The following ZNF428 variants were observed in gnomAD, a reference collection of about 807,000 sequenced individuals.
ZNF428 encodes enzyme-like protein PIT13.
Under a neutral mutation model 15.6 loss-of-function variants are expected in ZNF428, and 5 were observed. The observed-to-expected ratio is 0.32, with a 90% CI of 0.17 to 0.67. The LOEUF is 0.67. Among genes scored for constraint, ZNF428 ranks in the 30% least tolerant of loss-of-function variants. The probability of loss-of-function intolerance (pLI) is 0.73; values close to 1 mark genes in which losing one functional copy is unlikely to be tolerated. For missense variants in ZNF428, 237 were observed against 256.0 expected (o/e 0.93, Z 0.51); for synonymous variants, 97 against 102.2 (o/e 0.95, Z 0.31).
chr19:43,609,569 G>A (rs1167212794), intron 2 of ZNF428, among the ~76,000 whole-genome samples: 5 of 151,832 alleles, frequency 3.3e-5, no homozygotes, highest in African/African-American at 4.8e-5. Context: ...GTGAAACCCC[G>A]TCTCTACTAA....
chr19:43,609,885 C>T (rs1033771439), intron 2 of ZNF428, among the ~76,000 whole-genome samples: 2 of 152,074 alleles, frequency 1.3e-5, no homozygotes. Flanking sequence ...CCAGCTTCTT[C>T]GGCCTTGGTG....
chr19:43,612,662 A>G lies in ZNF428; in HGVS notation c.76+1567T>C, dbSNP rs1164655127. 1 of 1,551,342 alleles carries G rather than the reference A, an allele frequency of 6.4e-7. No individual in the cohort carries two copies. Among genetic ancestry groups the G allele is most frequent in the Non-Finnish European group, 8.7e-7 (1 of 1,146,978 alleles). On this transcript the variant is annotated intron_variant, in intron 2 of 2. Coordinates refer to ENST00000300811, the MANE Select transcript of ZNF428 (RefSeq NM_182498.4). The surrounding 1 kb of genome is among the most constrained non-coding windows in gnomAD (Gnocchi z 4.2). Reference sequence around the variant, plus strand: ...TTACGGCCGGCCTAGAACCAGCAACAGGGAAAGGAGTGACAGCCAGCCTAG... The same window carrying G: ...TTACGGCCGGCCTAGAACCAGCAACGGGGAAAGGAGTGACAGCCAGCCTAG...
chr19:43,613,905 G>A lies in ZNF428; in HGVS notation c.76+324C>T, dbSNP rs759791111. ...TCCAGCGAGGAGAGAGATCACAGCC[G>A]ATCTAGAAGCCCCAATAAGCAGAGT... On this transcript the variant is annotated intron_variant, in intron 2 of 2. Coordinates refer to ENST00000300811, the MANE Select transcript of ZNF428 (RefSeq NM_182498.4). 71 of 1,551,538 alleles carry A rather than the reference G, an allele frequency of 4.6e-5. No individual in the cohort carries two copies. Among genetic ancestry groups the A allele is most frequent in the African/African-American group, 4.1e-4 (30 of 73,086 alleles).
At chr19:43,609,121 A>C (rs1241787326) in intron 2 of ZNF428, among the ~76,000 whole-genome samples, 1 of 151,928 alleles carries the variant, frequency 6.6e-6, no homozygotes, top group East Asian at 1.9e-4. Flanking sequence ...AACTCACTAA[A>C]TCCTCAACAA....
chr19:43,617,034 G>GATCCATTTAC (rs1973378250), intron 1 of ZNF428, among the ~76,000 whole-genome samples: 1 of 151,894 alleles, frequency 6.6e-6, no homozygotes, highest in South Asian at 2.1e-4. Flanking sequence ...GACCTCAGGT[G>GATCCATTTAC]ATCCATTTAC....
chr19:43,614,386 T>A lies in ZNF428; in HGVS notation c.-82A>T. ...CCGGCCAGCTCTCCACAGCCACACC[T>A]CCGGCCACAAGTTCTCTAATACAGG... On this transcript the variant is annotated 5_prime_UTR_variant, in exon 2 of 3. Transcript: ENST00000300811. 1 of 1,509,862 alleles carries A rather than the reference T, an allele frequency of 6.6e-7. No individual in the cohort carries two copies. Among genetic ancestry groups the A allele is most frequent in the East Asian group, 2.3e-5 (1 of 43,514 alleles). The allele number at this position is 1,509,862 out of a possible 1,614,324, so 93.5% of individuals were successfully genotyped here.
intron 1 of ZNF428, among the ~76,000 whole-genome samples, chr19:43,619,071 G>T (rs1438787662): frequency 6.6e-6 from 1 of 152,122 alleles, no homozygotes; most frequent in Non-Finnish European, 1.5e-5. Flanking sequence ...AAGATGCCCC[G>T]CGTGAACACA....
At chr19:43,610,833 A>G (rs1184233092) in intron 2 of ZNF428, among the ~76,000 whole-genome samples, 1 of 151,848 alleles carries the variant, frequency 6.6e-6, no homozygotes, top group East Asian at 1.9e-4. Context: ...GCAGCCAGTC[A>G]CTTTTTTTAC....
At chr19:43,613,763 T>A in intron 2 of ZNF428, 1 of 1,551,152 alleles carries the variant, frequency 6.4e-7, no homozygotes, top group Non-Finnish European at 8.7e-7. Flanking sequence ...TCGCAGCCAA[T>A]CTAGAAGCCC....
Position 43,613,386 on chromosome 19 carries a change from C to T in ZNF428, c.76+843G>A, listed in dbSNP as rs896195288. The T allele has an allele frequency of 1.0e-4, 154 of 1,543,412 alleles. No homozygotes were observed. Among genetic ancestry groups the T allele is most frequent in the Admixed American group, 1.4e-4 (7 of 50,162 alleles). ...AGCCGATCTAGAAGTCCCTACAAGG[C>T]GAGAGATCGCAGCCGATCTAGAAGT... On this transcript the variant is annotated intron_variant, in intron 2 of 2. Transcript: ENST00000300811.
At chr19:43,611,624 C>A (rs888024539) in intron 2 of ZNF428, among the ~76,000 whole-genome samples, 1 of 152,130 alleles carries the variant, frequency 6.6e-6, no homozygotes, top group Admixed American at 6.5e-5. Flanking sequence ...CCAGCCTGAC[C>A]CTTTCTTTCT....
At position 43,608,031 on chromosome 19, in the gene ZNF428, C is replaced by T. The variant is rs1973258602; in HGVS notation, c.153G>A (p.Glu51=). 6.2e-7 allele frequency: 1 copy of T among 1,613,296 alleles called. No homozygotes were observed. Among genetic ancestry groups the T allele is most frequent in the East Asian group, 2.2e-5 (1 of 44,858 alleles). ...DSEEEEDEEE[E]EEETTDDPEY... is the part of the protein sequence containing the mutation. ...CAGGATCGTCAGTGGTCTCCTCTTCCTCCTCCTCCTCATCTTCTTCCTCTT... is the reference window on the plus strand; with the variant it reads ...CAGGATCGTCAGTGGTCTCCTCTTCTTCCTCCTCCTCATCTTCTTCCTCTT... Residue 51 remains glutamate, a synonymous_variant, in exon 3 of 3, where the codon GAG becomes GAA. Transcript: ENST00000300811.
chr19:43,607,432 C>A lies in ZNF428; in HGVS notation c.*185G>T, dbSNP rs1973250039. The stretch of plus-strand genomic sequence containing the variant: ...GGGCGGGAATACACACACACACACA[C>A]ACACTCTGAACCAACACACACAGAT... On this transcript the variant is annotated 3_prime_UTR_variant, in exon 3 of 3. Transcript: ENST00000300811. The surrounding 1 kb of genome is among the most constrained non-coding windows in gnomAD (Gnocchi z 5.1). 1.7e-5 allele frequency: 12 copies of A among 704,522 alleles called. No homozygotes were observed. In the East Asian group the frequency reaches 3.5e-4, roughly 20 times the overall value. 43.6% of individuals were successfully genotyped at this position (704,522 alleles called of 1,614,324 possible).
In ZNF428 at chr19:43,612,320, T is replaced by G; in HGVS notation, c.76+1909A>C. 1 of 1,551,296 alleles carries G rather than the reference T, an allele frequency of 6.4e-7. No homozygotes were observed. Among genetic ancestry groups the G allele is most frequent in the South Asian group, 1.2e-5 (1 of 84,028 alleles). On this transcript the variant is annotated intron_variant, in intron 2 of 2. Transcript: ENST00000300811. The surrounding 1 kb of genome is among the most constrained non-coding windows in gnomAD (Gnocchi z 4.2). ...CCCAAGCAGTTCCAAGTCCACCAAA[T>G]CGACCAGTACAAAAAGAGCCCCTTC...
chr19:43,615,274 C>T (rs952929203), intron 1 of ZNF428, among the ~76,000 whole-genome samples: 23 of 152,096 alleles, frequency 1.5e-4, no homozygotes, highest in African/African-American at 5.1e-4. Flanking sequence ...GTCCCCACAC[C>T]CAGCTAATTT....
chr19:43,613,529 G>A, intron 2 of ZNF428: 1 of 1,551,390 alleles, frequency 6.4e-7, no homozygotes, highest in East Asian at 2.4e-5. Flanking sequence ...TCCCAACAAG[G>A]CGAGAGATCG....
intron 1 of ZNF428, among the ~76,000 whole-genome samples, chr19:43,616,238 G>C (rs1392584908): frequency 6.6e-6 from 1 of 152,198 alleles, no homozygotes; most frequent in African/African-American, 2.4e-5. Flanking sequence ...TTGTGTAGCA[G>C]TGACACACCA....
At chr19:43,619,099 T>A (rs891301226) in intron 1 of ZNF428, among the ~76,000 whole-genome samples, 8 of 152,156 alleles carry the variant, frequency 5.3e-5, no homozygotes, top group African/African-American at 1.9e-4. Context: ...CCCGTTCCAA[T>A]GCTCGAGCAA....
chr19:43,616,600 A>T (rs1230792719), intron 1 of ZNF428, among the ~76,000 whole-genome samples: 1 of 152,116 alleles, frequency 6.6e-6, no homozygotes, highest in Non-Finnish European at 1.5e-5. Context: ...CTCAGCTCAA[A>T]AGGTTTTTCT....
Sources: gnomAD v4.1 joint callset for allele counts (sites outside exome capture counted in the v4.1 genomes callset) on GRCh38, gnomAD v4.1.1 for gene constraint, Gnocchi (gnomAD v3.1) non-coding constraint, MANE v1.5 for transcripts, NCBI Gene and HGNC (gene_info 2026-07-23, HGNC 2026-07-21) for gene names.